The following ADAM9 variants were observed in gnomAD, a reference collection of about 807,000 sequenced individuals.
ADAM9 encodes ADAM metallopeptidase domain 9, also known as disintegrin and metalloproteinase domain-containing protein 9.
A neutral mutation model predicts 108.1 loss-of-function variants in ADAM9; 54 were observed. The ratio of observed to expected loss-of-function variants is 0.50; its 90% CI spans 0.40 to 0.63. ADAM9 has a LOEUF of 0.63. Ranked by LOEUF, ADAM9 falls within the 20% of genes least tolerant of loss-of-function variation. ADAM9 has a pLI of 0.00. For missense variants in ADAM9, 830 were observed against 997.7 expected (o/e 0.83, Z 2.26); for synonymous variants, 316 against 336.0 (o/e 0.94, Z 0.65).
chr8:39,001,842 G>T (rs1187112615), intron 1 of ADAM9, among the ~76,000 whole-genome samples: 3 of 151,820 alleles, frequency 2.0e-5, no homozygotes, highest in African/African-American at 7.3e-5. Context: ...GCTAAATTTT[G>T]TATTTTTAGT....
At chr8:39,027,737 C>A (rs905492062) in intron 11 of ADAM9, among the ~76,000 whole-genome samples, 1 of 151,926 alleles carries the variant, frequency 6.6e-6, no homozygotes. Flanking sequence ...GTAGTTCGTA[C>A]GTGTGTAGAT....
intron 11 of ADAM9, among the ~76,000 whole-genome samples, chr8:39,035,400 T>C (rs1269169643): frequency 6.6e-6 from 1 of 152,226 alleles, no homozygotes; most frequent in Admixed American, 6.5e-5. Flanking sequence ...CATTTGATAA[T>C]CCTAGAACTA....
At position 39,054,512 on chromosome 8, in the gene ADAM9, G is replaced by A. The variant is rs867799265; in HGVS notation, c.1334G>A (p.Ser445Asn). Residue 445 changes from serine to asparagine, a missense_variant, in exon 13 of 22, where the codon AGT becomes AAT. Transcript: ENST00000487273. ...GAATTGGACCCTTGCTGCGAAGGAA[G>A]TACCTGTAAGCTTAAATCATTTGCT... ...ECELDPCCEG[S>N]TCKLKSFAEC... 2 of 1,600,012 alleles carry A rather than the reference G, an allele frequency of 1.2e-6. No individual in the cohort carries two copies. Among genetic ancestry groups the A allele is most frequent in the African/African-American group, 2.7e-5 (2 of 73,988 alleles).
At chr8:39,034,185 G>A (rs1044282520) in intron 11 of ADAM9, among the ~76,000 whole-genome samples, 42 of 152,170 alleles carry the variant, frequency 2.8e-4, no homozygotes, top group Non-Finnish European at 2.9e-5. Flanking sequence ...GAGCCACTGT[G>A]CACTGCCAGA....
chr8:39,097,228 C>G (rs7844738), intron 20 of ADAM9, among the ~76,000 whole-genome samples: 131,184 of 151,984 alleles, frequency 0.86, 58,191 homozygotes, highest in South Asian at 0.98. Context: ...AGGTTTTTTT[C>G]TGCAGTCTCC....
intron 21 of ADAM9, among the ~76,000 whole-genome samples, chr8:39,102,883 C>T (rs927395238): frequency 6.6e-6 from 1 of 152,204 alleles, no homozygotes; most frequent in Non-Finnish European, 1.5e-5. Flanking sequence ...TTTTGTATCA[C>T]ATAAAATGCA....
intron 12 of ADAM9, among the ~76,000 whole-genome samples, chr8:39,048,917 A>C (rs780246754): frequency 8.0e-5 from 12 of 150,848 alleles, no homozygotes; most frequent in Non-Finnish European, 1.2e-4. Flanking sequence ...TACCATTTGC[A>C]TGGAATATCT....
intron 9 of ADAM9, among the ~76,000 whole-genome samples, chr8:39,025,178 C>T (rs1324407491): frequency 6.6e-6 from 1 of 152,076 alleles, no homozygotes; most frequent in African/African-American, 2.4e-5. Context: ...GTGGCCTCCG[C>T]CTCCCAGGTT....
At chr8:39,096,334 TAGCACATATA>T (rs2129443473) in intron 20 of ADAM9, among the ~76,000 whole-genome samples, 4 of 151,906 alleles carry the variant, frequency 2.6e-5, no homozygotes, top group East Asian at 1.9e-4. Context: ...GCATATTCTA[TAGCACATATA>T]TTGTGATATC....
At chr8:39,054,662 T>C in intron 13 of ADAM9, 89 bp downstream of exon 13, 1 of 1,140,840 alleles carries the variant, frequency 8.8e-7, no homozygotes, top group South Asian at 1.4e-5. Flanking sequence ...TTGAGATTTC[T>C]GAGTCAGCAC....
chr8:39,018,610 T>G (rs1836626305), intron 6 of ADAM9: 2 of 526,026 alleles, frequency 3.8e-6, no homozygotes, highest in Non-Finnish European at 6.8e-6. Context: ...TCAAAAACAT[T>G]TTTTTCCCCT....
At chr8:39,047,436 T>G (rs185242130) in intron 12 of ADAM9, among the ~76,000 whole-genome samples, 25 of 152,306 alleles carry the variant, frequency 1.6e-4, no homozygotes, top group Admixed American at 3.3e-4. Context: ...CCTGTGCTTT[T>G]CTTTGCTAGG....
intron 20 of ADAM9, among the ~76,000 whole-genome samples, chr8:39,092,182 G>A (rs758897289): frequency 5.3e-5 from 8 of 152,070 alleles, no homozygotes; most frequent in Admixed American, 2.0e-4. Context: ...TTTTAAGAAC[G>A]TTTTATTTGA....
At chr8:39,061,069 C>CA (rs1375455377) in intron 14 of ADAM9, among the ~76,000 whole-genome samples, 1 of 152,228 alleles carries the variant, frequency 6.6e-6, no homozygotes, top group East Asian at 1.9e-4. Context: ...CTGCACAGGG[C>CA]AAATAGGTGA....
intron 14 of ADAM9, among the ~76,000 whole-genome samples, chr8:39,058,402 G>T (rs1207139305): frequency 6.6e-6 from 1 of 152,166 alleles, no homozygotes; most frequent in East Asian, 1.9e-4. Flanking sequence ...ACCTGTTAGG[G>T]TGACCCAAAC....
At chr8:39,043,388 C>T (rs539017943) in intron 12 of ADAM9, among the ~76,000 whole-genome samples, 1 of 152,180 alleles carries the variant, frequency 6.6e-6, no homozygotes, top group African/African-American at 2.4e-5. Context: ...TGCATTCTTC[C>T]CAACAGTGCA....
intron 15 of ADAM9, 62 bp downstream of exon 15, chr8:39,071,465 C>CTT (rs34398586): frequency 0.035 from 20,164 of 582,062 alleles, 947 homozygotes; most frequent in African/African-American, 0.19. Context: ...TCTCTAGTAT[C>CTT]TTTTTTTTTT....
intron 12 of ADAM9, among the ~76,000 whole-genome samples, chr8:39,053,226 C>G (rs1838014104): frequency 6.6e-6 from 1 of 152,144 alleles, no homozygotes; most frequent in Admixed American, 6.5e-5. Flanking sequence ...ATTCTGTATA[C>G]AAGTTCTCTA....
intron 16 of ADAM9, among the ~76,000 whole-genome samples, chr8:39,080,404 T>C (rs532670089): frequency 7.2e-4 from 110 of 152,294 alleles, no homozygotes; most frequent in African/African-American, 2.4e-3. Flanking sequence ...ACTGCATAGT[T>C]TTCTAGCTAT....
Sources: allele counts gnomAD v4.1 joint callset (sites outside exome capture counted in the v4.1 genomes callset), GRCh38; gene constraint gnomAD v4.1.1; transcripts MANE v1.5; gene names NCBI Gene and HGNC (gene_info 2026-07-23, HGNC 2026-07-21).